ZNF704: variants seen among roughly 807,000 people sequenced by gnomAD.
ZNF704 encodes zinc finger protein 704.
A neutral mutation model predicts 44.7 loss-of-function variants in ZNF704; 10 were observed. The ratio of observed to expected loss-of-function variants is 0.22; its 90% confidence interval spans 0.14 to 0.38. ZNF704 has a LOEUF of 0.38. Ranked by LOEUF, ZNF704 falls within the 10% of genes least tolerant of loss-of-function variation. The pLI, the probability that ZNF704 is intolerant of heterozygous loss-of-function variation, is 1.00. For synonymous variants in ZNF704, 211 were observed against 207.6 expected, an observed-to-expected ratio of 1.02 and a Z score of -0.14; for missense variants, 390 against 545.5, an observed-to-expected ratio of 0.71 and a Z score of 2.84.
intron 2 of ZNF704, among the ~76,000 whole-genome samples, chr8:80,714,031 G>A (rs1819034077): frequency 6.6e-6 from 1 of 152,176 alleles, no homozygotes. Flanking sequence ...GCTGTCTTGG[G>A]TGTTGGTCCA....
intron 7 of ZNF704, among the ~76,000 whole-genome samples, chr8:80,656,603 C>T (rs1022257892): frequency 1.3e-5 from 2 of 152,228 alleles, no homozygotes; most frequent in African/African-American, 2.4e-5. Context: ...CTCAGCTACA[C>T]ACCTCCGGGA....
chr8:80,827,004 C>A (rs973211255), intron 1 of ZNF704, among the ~76,000 whole-genome samples: 19 of 152,206 alleles, frequency 1.2e-4, no homozygotes, highest in African/African-American at 4.3e-4. Context: ...ATTCCCTTTG[C>A]AAACTGGCAC....
chr8:80,696,217 A>C (rs1818722073), intron 2 of ZNF704, among the ~76,000 whole-genome samples: 1 of 152,164 alleles, frequency 6.6e-6, no homozygotes, highest in African/African-American at 2.4e-5. Context: ...GGTGATATTA[A>C]ATATTCTCTC....
At chr8:80,734,656 A>G (rs974098588) in intron 2 of ZNF704, among the ~76,000 whole-genome samples, 8 of 152,256 alleles carry the variant, frequency 5.3e-5, no homozygotes, top group African/African-American at 1.9e-4. Context: ...TTTATCAACA[A>G]TAGAAAGATG....
Position 80,821,561 on chromosome 8 carries a change from G to C in ZNF704, c.34C>G (p.Arg12Gly), listed in dbSNP as rs367630866. ...TGAGACATTTTTTTACCACAGTCACGTTTTAAGTCCTCTGACTGAAATGTG... is the reference window on the plus strand; with the variant it reads ...TGAGACATTTTTTTACCACAGTCACCTTTTAAGTCCTCTGACTGAAATGTG... The part of the protein sequence containing the change: ...TFTFQSEDLK[R>G]DCGKKMSHQH... Residue 12 changes from arginine (R) to glycine (G), a missense_variant, in exon 2 of 9, where the codon CGT becomes GGT. This residue lies in a region of ZNF704 where 80 missense variants were observed against 83.7 expected (regional missense o/e 0.96). Coordinates refer to ENST00000327835, the MANE Select transcript of ZNF704 (RefSeq NM_001033723.3). 11 of 1,613,712 alleles carry C rather than the reference G, an allele frequency of 6.8e-6. No homozygotes were observed. In the South Asian group the frequency reaches 8.8e-5, roughly 13 times the overall value.
chr8:80,715,052 A>T (rs1226257138), intron 2 of ZNF704, among the ~76,000 whole-genome samples: 1 of 152,232 alleles, frequency 6.6e-6, no homozygotes, highest in African/African-American at 2.4e-5. Context: ...CTGACCCATC[A>T]AATTAAATTA....
chr8:80,656,698 T>C (rs113945715), intron 7 of ZNF704, among the ~76,000 whole-genome samples: 7,437 of 152,266 alleles, frequency 0.049, 219 homozygotes, highest in Middle Eastern at 0.092. Context: ...CCTGCAACCC[T>C]TGGGATTTTT....
chr8:80,701,876 T>C (rs892391015), intron 2 of ZNF704, among the ~76,000 whole-genome samples: 1 of 150,842 alleles, frequency 6.6e-6, no homozygotes, highest in Non-Finnish European at 1.5e-5. Flanking sequence ...AACTGGGAGG[T>C]TGAGAAATTA....
At chr8:80,701,033 C>T (rs1333962213) in intron 2 of ZNF704, among the ~76,000 whole-genome samples, 2 of 152,100 alleles carry the variant, frequency 1.3e-5, no homozygotes, top group African/African-American at 2.4e-5. Flanking sequence ...GCTTCCCTCC[C>T]GCCAGGTCCA....
At chr8:80,821,859 T>A (rs536455593) in intron 1 of ZNF704, among the ~76,000 whole-genome samples, 1 of 152,316 alleles carries the variant, frequency 6.6e-6, no homozygotes, top group East Asian at 1.9e-4. Context: ...CTCCCAGGTA[T>A]ACAAAAACAA....
chr8:80,715,577 TCTA>T (rs1305103304), intron 2 of ZNF704, among the ~76,000 whole-genome samples: 3 of 152,198 alleles, frequency 2.0e-5, no homozygotes, highest in African/African-American at 7.2e-5. Flanking sequence ...GGTTCCCTAT[TCTA>T]CTGCCCAGTC....
At chr8:80,726,989 A>G (rs1165714665) in intron 2 of ZNF704, among the ~76,000 whole-genome samples, 1 of 152,142 alleles carries the variant, frequency 6.6e-6, no homozygotes, top group Non-Finnish European at 1.5e-5. Context: ...TAGTCATTTA[A>G]TGTTTGCAAT....
At chr8:80,857,079 C>T (rs567370677) in intron 1 of ZNF704, among the ~76,000 whole-genome samples, 1 of 151,688 alleles carries the variant, frequency 6.6e-6, no homozygotes, top group Non-Finnish European at 1.5e-5. Flanking sequence ...TAATTTTATC[C>T]CTGTTTAGTT....
chr8:80,811,188 C>T (rs1808075208), intron 2 of ZNF704, among the ~76,000 whole-genome samples: 1 of 151,994 alleles, frequency 6.6e-6, no homozygotes. Context: ...ATAAAATATA[C>T]AGCAGATTTT....
chr8:80,857,898 A>AT (rs1211916719), intron 1 of ZNF704, among the ~76,000 whole-genome samples: 2 of 151,750 alleles, frequency 1.3e-5, no homozygotes, highest in Admixed American at 1.3e-4. Context: ...TTTTATTTTT[A>AT]TTTTTTTCCC....
intron 1 of ZNF704, among the ~76,000 whole-genome samples, chr8:80,834,583 T>C (rs956385314): frequency 6.6e-6 from 1 of 152,210 alleles, no homozygotes; most frequent in African/African-American, 2.4e-5. Flanking sequence ...GTTACATAGA[T>C]ATACGTGTGC....
chr8:80,637,970 A>G lies in ZNF704; in HGVS notation c.*3396T>C, dbSNP rs1817687659. On this transcript the variant is annotated 3_prime_UTR_variant, in exon 9 of 9. Coordinates refer to ENST00000327835, the MANE Select transcript of ZNF704 (RefSeq NM_001033723.3). ...CTCCTTGCTTCAGGCAGCTGCTCCC[A>G]GAGGAGAAAATGGCAGCTCCCTGGG... is the stretch of plus-strand genomic sequence containing the variant. The G allele has an allele frequency of 1.3e-5, 2 of 152,318 alleles. No individual in the cohort carries two copies. The highest frequency in any genetic ancestry group is 4.1e-4 in the South Asian group (2 of 4,834). 9.4% of individuals were successfully genotyped at this position (152,318 alleles called of 1,614,324 possible). A position where few individuals can be genotyped will look rare whatever the true frequency, so the allele number is the denominator to read the frequency against.
chr8:80,702,852 T>C (rs1818834176), intron 2 of ZNF704, among the ~76,000 whole-genome samples: 1 of 151,966 alleles, frequency 6.6e-6, no homozygotes, highest in South Asian at 2.1e-4. Context: ...GAGGCTGATG[T>C]CATCCGGGAT....
intron 7 of ZNF704, among the ~76,000 whole-genome samples, chr8:80,647,593 G>A (rs7840377): frequency 0.016 from 2,443 of 152,296 alleles, 84 homozygotes; most frequent in African/African-American, 0.056. Context: ...ACATACTGGT[G>A]GTTTAGACTA....
Sources: gnomAD v4.1 joint callset for allele counts (sites outside exome capture counted in the v4.1 genomes callset) on GRCh38, gnomAD v4.1.1 for gene constraint, gnomAD v4.1.1 regional missense constraint, MANE v1.5 for transcripts, NCBI Gene and HGNC (gene_info 2026-07-23, HGNC 2026-07-21) for gene names.